Variants in ETV6 observed in about 807,000 individuals in gnomAD.
ETV6 encodes the protein ETS variant transcription factor 6.
Under a neutral mutation model 51.1 loss-of-function variants are expected in ETV6, and 16 were observed. That is an observed-to-expected ratio of 0.31 (90% CI 0.21 to 0.48). The LOEUF is 0.48. ETV6 is among the 20% of genes least tolerant of loss of function. ETV6 has a pLI of 0.99. For missense variants in ETV6, 458 were observed against 594.8 expected, an observed-to-expected ratio of 0.77 and a Z score of 2.39; for synonymous variants, 240 against 224.1, an observed-to-expected ratio of 1.07 and a Z score of -0.64.
chr12:11,692,942 A>C (rs1360072723), intron 1 of ETV6, among the ~76,000 whole-genome samples: 1 of 152,176 alleles, frequency 6.6e-6, no homozygotes, highest in Non-Finnish European at 1.5e-5. Flanking sequence ...CGGGAGGCTA[A>C]GGTGGGAGAA....
chr12:11,826,036 A>G (rs927663544), intron 2 of ETV6, among the ~76,000 whole-genome samples: 17 of 152,050 alleles, frequency 1.1e-4, no homozygotes, highest in African/African-American at 3.9e-4. Flanking sequence ...GGCTCTTGCT[A>G]TGTTGCCCAG....
At chr12:11,698,437 G>T (rs1864919239) in intron 1 of ETV6, among the ~76,000 whole-genome samples, 1 of 152,184 alleles carries the variant, frequency 6.6e-6, no homozygotes, top group African/African-American at 2.4e-5. Flanking sequence ...TCTGATCTGA[G>T]GCTTGACTGA....
intron 1 of ETV6, among the ~76,000 whole-genome samples, chr12:11,654,632 G>A (rs1308418003): frequency 6.6e-6 from 1 of 152,142 alleles, no homozygotes; most frequent in African/African-American, 2.4e-5. Flanking sequence ...CTGGTCAGGT[G>A]TGAGAAGAGG....
chr12:11,718,043 G>T (rs1865311900), intron 1 of ETV6, among the ~76,000 whole-genome samples: 1 of 152,178 alleles, frequency 6.6e-6, no homozygotes, highest in Non-Finnish European at 1.5e-5. Context: ...TGGGGGGAAA[G>T]TCAGGTTTTA....
At chr12:11,888,569 AT>A (rs1182949020) in intron 7 of ETV6, among the ~76,000 whole-genome samples, 2 of 151,716 alleles carry the variant, frequency 1.3e-5, no homozygotes, top group Non-Finnish European at 2.9e-5. Context: ...CACCTGACTA[AT>A]TTTTGTATTT....
intron 1 of ETV6, among the ~76,000 whole-genome samples, chr12:11,709,437 C>G (rs1252872696): frequency 2.0e-5 from 3 of 152,114 alleles, no homozygotes. Flanking sequence ...CTCCTGAGCT[C>G]AAATGATCCT....
intron 1 of ETV6, among the ~76,000 whole-genome samples, chr12:11,722,296 T>A (rs1185488137): frequency 1.3e-5 from 2 of 152,138 alleles, no homozygotes; most frequent in Non-Finnish European, 2.9e-5. Context: ...TAATGAACAG[T>A]GAAATGGCCA....
intron 3 of ETV6, among the ~76,000 whole-genome samples, chr12:11,840,197 A>G (rs1946369428): frequency 6.6e-6 from 1 of 152,212 alleles, no homozygotes; most frequent in African/African-American, 2.4e-5. Flanking sequence ...TGACTCAGAA[A>G]GCTTGTCTAA....
intron 1 of ETV6, among the ~76,000 whole-genome samples, chr12:11,658,237 T>A (rs1440620713): frequency 1.3e-5 from 2 of 152,086 alleles, no homozygotes; most frequent in Non-Finnish European, 2.9e-5. Context: ...GGATGGTTTG[T>A]TTTTGTTTTT....
chr12:11,679,877 C>T (rs1377318391), intron 1 of ETV6, among the ~76,000 whole-genome samples: 5 of 152,314 alleles, frequency 3.3e-5, no homozygotes, highest in South Asian at 4.1e-4. Flanking sequence ...TGTGTTCACA[C>T]GCTTTCTCAT....
intron 1 of ETV6, among the ~76,000 whole-genome samples, chr12:11,668,465 T>C (rs901090497): frequency 6.6e-6 from 1 of 152,248 alleles, no homozygotes; most frequent in East Asian, 1.9e-4. Flanking sequence ...TCTAACAAAT[T>C]ATTTCTATCG....
chr12:11,767,251 A>G (rs549729661), intron 2 of ETV6, among the ~76,000 whole-genome samples: 3 of 152,258 alleles, frequency 2.0e-5, no homozygotes, highest in Admixed American at 6.5e-5. Context: ...AAATGGGTAC[A>G]GTCATACCTT....
intron 5 of ETV6, among the ~76,000 whole-genome samples, chr12:11,879,540 T>G (rs927182684): frequency 2.6e-5 from 4 of 152,210 alleles, no homozygotes; most frequent in African/African-American, 9.6e-5. Context: ...AGGAAGGGAT[T>G]TTTTACAATG....
intron 2 of ETV6, among the ~76,000 whole-genome samples, chr12:11,805,724 G>A (rs766147662): frequency 1.8e-4 from 27 of 152,224 alleles, no homozygotes; most frequent in Admixed American, 3.3e-4. Context: ...TGGAAAAGCA[G>A]AGTGACACAT....
intron 7 of ETV6, among the ~76,000 whole-genome samples, chr12:11,889,448 GTGAGGTGTTGAA>G (rs1209465437): frequency 6.6e-6 from 1 of 152,232 alleles, no homozygotes; most frequent in African/African-American, 2.4e-5. Flanking sequence ...ATGTAATCAA[GTGAGGTGTTGAA>G]TTGTAGATAC....
chr12:11,655,878 C>T (rs932072590), intron 1 of ETV6, among the ~76,000 whole-genome samples: 4 of 152,190 alleles, frequency 2.6e-5, no homozygotes, highest in Admixed American at 6.5e-5. Context: ...TTACAGGAAA[C>T]GGTAGAATGC....
intron 2 of ETV6, among the ~76,000 whole-genome samples, chr12:11,794,141 G>A (rs1037660295): frequency 3.3e-5 from 5 of 152,146 alleles, no homozygotes; most frequent in African/African-American, 9.7e-5. Context: ...GTCAGAGAAG[G>A]AGCAGTAAAG....
Position 11,894,349 on chromosome 12 carries a change from T to C in ETV6, c.*3303T>C. On this transcript the variant is annotated 3_prime_UTR_variant, in exon 8 of 8. Transcript: ENST00000396373. ...CCTACATCTCAAGCTAGCCAGGCAGTCTCCTCTCTATCAGAAGAAAGCACT... is the reference window on the plus strand; with the variant it reads ...CCTACATCTCAAGCTAGCCAGGCAGCCTCCTCTCTATCAGAAGAAAGCACT... 1 of 232,984 alleles carries C rather than the reference T, an allele frequency of 4.3e-6. No homozygotes were observed. The highest frequency in any genetic ancestry group is 1.8e-4 in the South Asian group (1 of 5,514). The allele number at this position is 232,984 out of a possible 1,614,324, so 14.4% of individuals were successfully genotyped here. A position where few individuals can be genotyped will look rare whatever the true frequency, so the allele number is the denominator to read the frequency against.
chr12:11,883,117 G>A (rs1947125919), intron 5 of ETV6, among the ~76,000 whole-genome samples: 1 of 152,094 alleles, frequency 6.6e-6, no homozygotes, highest in Non-Finnish European at 1.5e-5. Context: ...AATTGGTGCT[G>A]CTCCTCATCT....
Sources: gnomAD v4.1 joint callset for allele counts (sites outside exome capture counted in the v4.1 genomes callset) on GRCh38, gnomAD v4.1.1 for gene constraint, MANE v1.5 for transcripts, NCBI Gene and HGNC (gene_info 2026-07-23, HGNC 2026-07-21) for gene names.